PAFAH1B2: variants seen among roughly 807,000 people sequenced by gnomAD.
The protein encoded by PAFAH1B2 is platelet-activating factor acetylhydrolase IB subunit alpha2.
A neutral mutation model predicts 28.0 loss-of-function variants in PAFAH1B2; 8 were observed. The observed-to-expected ratio is 0.29, with a 90% CI of 0.17 to 0.52. The LOEUF (loss-of-function observed/expected upper bound fraction) is 0.52. Among genes scored for constraint, PAFAH1B2 ranks in the 20% least tolerant of loss-of-function variants. The probability of loss-of-function intolerance (pLI) is 0.97; values close to 1 mark genes in which losing one functional copy is unlikely to be tolerated. For synonymous variants in PAFAH1B2, 104 were observed against 103.2 expected (o/e 1.01, Z -0.05); for missense variants, 190 against 282.6 (o/e 0.67, Z 2.35).
At position 117,169,392 on chromosome 11, in the gene PAFAH1B2, T is replaced by C. The variant is rs1956594163; in HGVS notation, c.*1693T>C. The C allele has an allele frequency of 9.5e-7, 1 of 1,051,764 alleles. No homozygotes were observed. The highest frequency in any genetic ancestry group is 5.5e-5 in the Admixed American group (1 of 18,260). The allele number at this position is 1,051,764 out of a possible 1,614,324, so 65.2% of individuals were successfully genotyped here. On this transcript the variant is annotated 3_prime_UTR_variant, in exon 6 of 6. Transcript: ENST00000527958. ...TATTTTGAACTGGACCAGGTGGGTATTGAAGTAACCCATCAAAATATGCTC... is the reference window on the plus strand; with the variant it reads ...TATTTTGAACTGGACCAGGTGGGTACTGAAGTAACCCATCAAAATATGCTC...
intron 1 of PAFAH1B2, among the ~76,000 whole-genome samples, chr11:117,151,233 C>CTTTTTTT (rs11449159): frequency 5.2e-5 from 7 of 133,966 alleles, no homozygotes; most frequent in African/African-American, 1.1e-4. Context: ...TTTTCTTTTT[C>CTTTTTTT]TTTTTTTTTT....
In PAFAH1B2 at chr11:117,166,611, C is replaced by T. The variant is rs73008535; in HGVS notation, c.412-810C>T. Among the ~76,000 whole-genome samples the T allele has an allele frequency of 8.1e-3, 1,232 of 152,256 alleles. 8 individuals are homozygous for T. Among genetic ancestry groups the T allele is most frequent in the Non-Finnish European group, 0.013 (851 of 68,014 alleles). ...CTGGGCATGGTAGCTCATGCCTAAT[C>T]CTAGTATCTATGCAATTGGAAAAGG... On this transcript the variant is annotated intron_variant, in intron 5 of 5. Coordinates refer to ENST00000527958, the MANE Select transcript of PAFAH1B2 (RefSeq NM_002572.4).
At chr11:117,176,026 A>C, downstream of PAFAH1B2, 1 of 1,022,936 alleles carries the variant, frequency 9.8e-7, no homozygotes, top group Non-Finnish European at 1.5e-6. Context: ...TGATGAAGAA[A>C]CCTCTTTTGC....
At chr11:117,174,231 C>T (rs1956732342), downstream of PAFAH1B2, among the ~76,000 whole-genome samples, 1 of 146,846 alleles carries the variant, frequency 6.8e-6, no homozygotes, top group African/African-American at 2.5e-5. Flanking sequence ...GTTGCCCAGG[C>T]TGGAGCACAA....
intron 4 of PAFAH1B2, among the ~76,000 whole-genome samples, chr11:117,162,528 G>A (rs1017218992): frequency 1.8e-4 from 27 of 150,764 alleles, no homozygotes; most frequent in Non-Finnish European, 3.2e-4. Context: ...ACTTTGGGAG[G>A]CTGAGGCACG....
At chr11:117,165,182 G>C (rs546289368) in intron 5 of PAFAH1B2, among the ~76,000 whole-genome samples, 1 of 151,678 alleles carries the variant, frequency 6.6e-6, no homozygotes, top group African/African-American at 2.4e-5. Context: ...TCGATCTCCT[G>C]ACCTCGTGAT....
chr11:117,170,815 T>G lies in PAFAH1B2; in HGVS notation c.*3116T>G. On this transcript the variant is annotated 3_prime_UTR_variant, in exon 6 of 6. Transcript: ENST00000527958. Reference sequence around the variant, plus strand: ...GAAATGAGGAGCATGTCCAAGCTCCTAAATCCGTGTGGGTGCATGTGGGAG... The same window carrying G: ...GAAATGAGGAGCATGTCCAAGCTCCGAAATCCGTGTGGGTGCATGTGGGAG... 9.4e-7 allele frequency: 1 copy of G among 1,060,180 alleles called. No individual in the cohort carries two copies. The highest frequency in any genetic ancestry group is 1.1e-6 in the Non-Finnish European group (1 of 876,046). 65.7% of individuals were successfully genotyped at this position (1,060,180 alleles called of 1,614,324 possible).
chr11:117,172,093 G>C (rs987324199), downstream of PAFAH1B2, among the ~76,000 whole-genome samples: 2 of 151,918 alleles, frequency 1.3e-5, no homozygotes, highest in Non-Finnish European at 2.9e-5. Context: ...CCCAGAACAA[G>C]TGGAAGTGGT....
downstream of PAFAH1B2, among the ~76,000 whole-genome samples, chr11:117,177,691 C>T (rs535773109): frequency 3.3e-5 from 5 of 152,328 alleles, no homozygotes; most frequent in East Asian, 3.9e-4. Flanking sequence ...CGCGTCACCA[C>T]GCCCCACTAA....
At chr11:117,173,814 G>A (rs1019125859), downstream of PAFAH1B2, among the ~76,000 whole-genome samples, 10 of 152,174 alleles carry the variant, frequency 6.6e-5, no homozygotes, top group Non-Finnish European at 1.0e-4. Flanking sequence ...GGGCAGCCCT[G>A]GGAAAGAACA....
intron 1 of PAFAH1B2, among the ~76,000 whole-genome samples, chr11:117,145,904 A>G (rs1955992670): frequency 6.6e-6 from 1 of 152,208 alleles, no homozygotes; most frequent in South Asian, 2.1e-4. Context: ...CTATGCTGGT[A>G]TAAGCACTTG....
rs186262068 is a variant in PAFAH1B2 at position 117,157,999 on chromosome 11, A to T, written c.82-1935A>T. Among the ~76,000 whole-genome samples, 36 of 152,100 alleles carry T rather than the reference A, an allele frequency of 2.4e-4. No individual in the cohort carries two copies. The South Asian group carries it at 4.6e-3, about 19-fold the overall frequency. On this transcript the variant is annotated intron_variant, in intron 2 of 5. Coordinates refer to ENST00000527958, the MANE Select transcript of PAFAH1B2 (RefSeq NM_002572.4). ...CTAAAAATACAAAAATTAGCTGGGC[A>T]TGGTGGTGGGCGCCTGTAATCCCAG...
chr11:117,152,150 C>T (rs979498059), intron 1 of PAFAH1B2, among the ~76,000 whole-genome samples: 19 of 152,118 alleles, frequency 1.2e-4, no homozygotes, highest in Admixed American at 1.2e-3. Flanking sequence ...TCACAAAAAA[C>T]TAATATAGGT....
chr11:117,149,430 G>T (rs1461576929), intron 1 of PAFAH1B2, among the ~76,000 whole-genome samples: 968 of 85,878 alleles, frequency 0.011, 33 homozygotes, highest in East Asian at 0.026. Context: ...TTTTCTAATC[G>T]TTTTTTTTTT....
chr11:117,159,830 A>T (rs1334184331), intron 2 of PAFAH1B2, 104 bp from the exon 3 acceptor site: 2 of 749,168 alleles, frequency 2.7e-6, no homozygotes, highest in African/African-American at 3.5e-5. Flanking sequence ...ACCTCAAGTT[A>T]TTCTCCTGTC....
intron 1 of PAFAH1B2, among the ~76,000 whole-genome samples, chr11:117,147,202 AG>A (rs1486573049): frequency 6.6e-6 from 1 of 152,148 alleles, no homozygotes; most frequent in Admixed American, 6.6e-5. Flanking sequence ...CGAGAGGCGG[AG>A]GTTGCAGTGA....
chr11:117,144,574 G>A (rs181954995), intron 1 of PAFAH1B2, among the ~76,000 whole-genome samples, 156 bp downstream of exon 1: 4,440 of 152,004 alleles, frequency 0.029, 92 homozygotes, highest in Non-Finnish European at 0.036. Flanking sequence ...GGCCTCGCGA[G>A]CGCGCGCCTT....
downstream of PAFAH1B2, among the ~76,000 whole-genome samples, chr11:117,173,288 C>G (rs982534202): frequency 2.0e-5 from 3 of 152,152 alleles, no homozygotes; most frequent in East Asian, 3.9e-4. Context: ...TGACCTATCT[C>G]TAGGAGAAAG....
At chr11:117,174,143 C>T (rs1447716692), downstream of PAFAH1B2, among the ~76,000 whole-genome samples, 4 of 149,084 alleles carry the variant, frequency 2.7e-5, no homozygotes, top group African/African-American at 7.4e-5. Context: ...AAATCCTGCT[C>T]GAGTGCAGTC....
Sources: allele counts gnomAD v4.1 joint callset (sites outside exome capture counted in the v4.1 genomes callset), GRCh38; gene constraint gnomAD v4.1.1; transcripts MANE v1.5; gene names NCBI Gene and HGNC (gene_info 2026-07-23, HGNC 2026-07-21).